The following C12orf50 variants were observed in gnomAD, a reference collection of about 807,000 sequenced individuals.
C12orf50 encodes zinc finger CCCH-type containing 11D.
Under a neutral mutation model 61.6 loss-of-function variants are expected in C12orf50, and 35 were observed. The observed-to-expected ratio is 0.57, with a 90% CI of 0.43 to 0.75. The LOEUF (loss-of-function observed/expected upper bound fraction) is 0.75. C12orf50 is among the 30% of genes least tolerant of loss of function. The pLI is 0.00. For synonymous variants in C12orf50, 178 were observed against 161.5 expected (o/e 1.10, Z -0.77); for missense variants, 475 against 488.5 (o/e 0.97, Z 0.26).
chr12:88,027,596 ATAC>A (rs1252009096), intron 1 of C12orf50, among the ~76,000 whole-genome samples: 15 of 152,234 alleles, frequency 9.9e-5, no homozygotes, highest in African/African-American at 3.6e-4. Context: ...GTATTATGAT[ATAC>A]TACATTAAAT....
chr12:88,020,724 A>T (rs2032484077), intron 3 of C12orf50, among the ~76,000 whole-genome samples: 1 of 152,154 alleles, frequency 6.6e-6, no homozygotes, highest in South Asian at 2.1e-4. Flanking sequence ...CCAAAACAAC[A>T]GAATATACAT....
intron 3 of C12orf50, among the ~76,000 whole-genome samples, chr12:88,016,171 A>C (rs1043870794): frequency 1.3e-5 from 2 of 152,068 alleles, no homozygotes; most frequent in African/African-American, 4.8e-5. Context: ...TAAATATCTA[A>C]ATTTTATCTT....
chr12:87,998,202 A>G lies in C12orf50; in HGVS notation c.134-12T>C, dbSNP rs1565747642. ...CTGTAGTGTGATATCTGCAGAGAAAATGCAACATTTCAGTCTGTTCAAGAT... is the reference window on the plus strand; with the variant it reads ...CTGTAGTGTGATATCTGCAGAGAAAGTGCAACATTTCAGTCTGTTCAAGAT... On this transcript the variant is annotated splice_polypyrimidine_tract_variant and intron_variant, in intron 3 of 12. Coordinates refer to ENST00000298699, the MANE Select transcript of C12orf50 (RefSeq NM_152589.3). The G allele has an allele frequency of 6.2e-7, 1 of 1,607,124 alleles. No homozygotes were observed. The highest frequency in any genetic ancestry group is 8.5e-7 in the Non-Finnish European group (1 of 1,175,242).
In C12orf50 at chr12:88,006,644, G is replaced by A. The variant is rs117823478; in HGVS notation, c.134-8454C>T. ...GAGGTCCTGTTATTCCTAGCCTGCT[G>A]CACGTGGGATAGAACTTTTGCTTTA... On this transcript the variant is annotated intron_variant, in intron 3 of 12. Coordinates refer to ENST00000298699, the MANE Select transcript of C12orf50 (RefSeq NM_152589.3). Among the ~76,000 whole-genome samples, 968 of 152,302 alleles carry A rather than the reference G, an allele frequency of 6.4e-3. 6 individuals are homozygous for A. Among genetic ancestry groups the A allele is most frequent in the Middle Eastern group, 0.01 (3 of 294 alleles).
intron 1 of C12orf50, among the ~76,000 whole-genome samples, chr12:88,028,336 G>A (rs968346772): frequency 2.6e-5 from 4 of 152,194 alleles, no homozygotes; most frequent in African/African-American, 7.2e-5. Context: ...CTCCATTCAG[G>A]TTTCCTAACA....
At position 88,026,935 on chromosome 12, in the gene C12orf50, C is replaced by T. The variant is rs373155366; in HGVS notation, c.12+16G>A. 65 of 1,603,986 alleles carry T rather than the reference C, an allele frequency of 4.1e-5. No homozygotes were observed. Among genetic ancestry groups the T allele is most frequent in the East Asian group, 3.8e-4 (17 of 44,748 alleles). Reference sequence around the variant, plus strand: ...AAATACTTTTTGACAAAAATGATGACGCCAAGTAATTCTACCTGCATTTCC... The same window carrying T: ...AAATACTTTTTGACAAAAATGATGATGCCAAGTAATTCTACCTGCATTTCC... On this transcript the variant is annotated intron_variant, in intron 2 of 12. Transcript: ENST00000298699.
intron 3 of C12orf50, among the ~76,000 whole-genome samples, chr12:88,013,414 G>A (rs2032187280): frequency 6.6e-6 from 1 of 152,170 alleles, no homozygotes; most frequent in African/African-American, 2.4e-5. Context: ...GGACAATTAG[G>A]AAAATTTGAT....
intron 7 of C12orf50, among the ~76,000 whole-genome samples, chr12:87,992,424 TAGAG>T (rs552298625): frequency 1.2e-4 from 18 of 152,176 alleles, no homozygotes; most frequent in Admixed American, 6.6e-4. Context: ...ACTATATACA[TAGAG>T]AGAGAAATGC....
chr12:88,016,378 T>C (rs2032312519), intron 3 of C12orf50, among the ~76,000 whole-genome samples: 1 of 152,106 alleles, frequency 6.6e-6, no homozygotes, highest in African/African-American at 2.4e-5. Flanking sequence ...TTGTCTAAGG[T>C]GAAAAGATTT....
chr12:87,980,796 T>G (rs1202495463), intron 12 of C12orf50, among the ~76,000 whole-genome samples: 1 of 152,142 alleles, frequency 6.6e-6, no homozygotes, highest in African/African-American at 2.4e-5. Flanking sequence ...TATTGCATTA[T>G]CCCCACAGTA....
intron 3 of C12orf50, among the ~76,000 whole-genome samples, chr12:88,012,444 G>A (rs1397672952): frequency 6.6e-6 from 1 of 152,100 alleles, no homozygotes; most frequent in Non-Finnish European, 1.5e-5. Flanking sequence ...TAGACTCACA[G>A]GAATTGGGCA....
chr12:88,006,576 G>C (rs1283371468), intron 3 of C12orf50, among the ~76,000 whole-genome samples: 1 of 152,128 alleles, frequency 6.6e-6, no homozygotes, highest in East Asian at 1.9e-4. Flanking sequence ...GTGCCTCCTG[G>C]CATGGGACCT....
intron 3 of C12orf50, among the ~76,000 whole-genome samples, chr12:88,001,690 T>G (rs1452445085): frequency 6.6e-6 from 1 of 151,538 alleles, no homozygotes; most frequent in Non-Finnish European, 1.5e-5. Context: ...GTATTCAATT[T>G]TTTTCTTTTT....
intron 3 of C12orf50, among the ~76,000 whole-genome samples, chr12:88,011,309 AACTATT>A (rs945464697): frequency 6.6e-6 from 1 of 152,120 alleles, no homozygotes. Flanking sequence ...TAGCTTGAAC[AACTATT>A]AGGGATGAGC....
intron 3 of C12orf50, among the ~76,000 whole-genome samples, chr12:88,014,442 C>T (rs2136473129): frequency 1.3e-5 from 2 of 152,278 alleles, no homozygotes; most frequent in South Asian, 4.1e-4. Flanking sequence ...GCTGGGACTA[C>T]AGGCATCTGC....
intron 3 of C12orf50, among the ~76,000 whole-genome samples, chr12:88,006,082 A>C (rs1431132374): frequency 6.6e-6 from 1 of 151,672 alleles, no homozygotes; most frequent in Non-Finnish European, 1.5e-5. Context: ...ACGCCCCGCT[A>C]ATTTTTTGTA....
chr12:88,001,292 ATATTATTAT>A (rs111556053), intron 3 of C12orf50, among the ~76,000 whole-genome samples: 1 of 149,590 alleles, frequency 6.7e-6, no homozygotes, highest in African/African-American at 2.5e-5. Context: ...TATTGTGGGT[ATATTATTAT>A]TATTATTATT....
chr12:88,017,877 G>T (rs915710960), intron 3 of C12orf50, among the ~76,000 whole-genome samples: 8 of 150,492 alleles, frequency 5.3e-5, no homozygotes, highest in Admixed American at 3.3e-4. Flanking sequence ...TCTGGCAGAA[G>T]AAATTTCTAA....
chr12:88,011,549 C>A (rs567015608), intron 3 of C12orf50, among the ~76,000 whole-genome samples: 1 of 152,286 alleles, frequency 6.6e-6, no homozygotes, highest in East Asian at 1.9e-4. Context: ...AAACCCAATG[C>A]AGGTACTATT....
Sources: gnomAD v4.1 joint callset for allele counts (sites outside exome capture counted in the v4.1 genomes callset) on GRCh38, gnomAD v4.1.1 for gene constraint, MANE v1.5 for transcripts, NCBI Gene and HGNC (gene_info 2026-07-23, HGNC 2026-07-21) for gene names.